FAM81A: variants seen among roughly 807,000 people sequenced by gnomAD.
FAM81A encodes the protein protein FAM81A.
A neutral mutation model predicts 46.7 loss-of-function variants in FAM81A; 19 were observed. The observed-to-expected ratio is 0.41, with a 90% confidence interval of 0.28 to 0.60. FAM81A has a LOEUF of 0.60. Among genes scored for constraint, FAM81A ranks in the 20% least tolerant of loss-of-function variants. The probability of loss-of-function intolerance (pLI) is 0.34; values close to 1 mark genes in which losing one functional copy is unlikely to be tolerated. For missense variants in FAM81A, 377 were observed against 453.5 expected (o/e 0.83, Z 1.53); for synonymous variants, 183 against 152.9 (o/e 1.20, Z -1.45).
chr15:59,469,619 G>A (rs1354568258), intron 3 of FAM81A, among the ~76,000 whole-genome samples: 4 of 151,372 alleles, frequency 2.6e-5, no homozygotes, highest in African/African-American at 9.7e-5. Flanking sequence ...CTTTGCACAT[G>A]AGATGGGTCT....
At chr15:59,458,182 A>T (rs1471424183) in intron 1 of FAM81A, among the ~76,000 whole-genome samples, 1 of 152,212 alleles carries the variant, frequency 6.6e-6, no homozygotes, top group Non-Finnish European at 1.5e-5. Context: ...GCAAAATTCT[A>T]CAGAGAAGTA....
intron 8 of FAM81A, 143 bp from the exon 9 acceptor site, chr15:59,521,111 T>C: frequency 1.1e-6 from 1 of 887,066 alleles, no homozygotes; most frequent in Non-Finnish European, 1.6e-6. Flanking sequence ...GAAACTCACC[T>C]GTTCCCCATC....
At chr15:59,514,084 G>C (rs1195461917) in intron 6 of FAM81A, among the ~76,000 whole-genome samples, 1 of 152,016 alleles carries the variant, frequency 6.6e-6, no homozygotes, top group Non-Finnish European at 1.5e-5. Flanking sequence ...GGGCATGGGG[G>C]GGGCAAGGGA....
At position 59,460,834 on chromosome 15, in the gene FAM81A, C is replaced by A. The variant is rs188660171; in HGVS notation, c.294+628C>A. 6.6e-6 allele frequency among the ~76,000 whole-genome samples: 1 copy of A among 152,160 alleles called. No homozygotes were observed. Among genetic ancestry groups the A allele is most frequent in the Admixed American group, 6.5e-5 (1 of 15,278 alleles). ...TTTAGGGCTTGGGTTTCCCTCACTA[C>A]GCAATGTTCATATCTTTCACATGTA... is the stretch of plus-strand genomic sequence containing the variant. On this transcript the variant is annotated intron_variant, in intron 3 of 8. Transcript: ENST00000288228. This position sits in a 1 kb window ranked among gnomAD's most constrained non-coding sequence, Gnocchi z 4.4.
intron 1 of FAM81A, among the ~76,000 whole-genome samples, chr15:59,442,008 C>G (rs918153464): frequency 6.6e-6 from 1 of 152,208 alleles, no homozygotes; most frequent in East Asian, 1.9e-4. Flanking sequence ...CTGATTACTC[C>G]CGTTATGTAG....
Position 59,417,473 on chromosome 15 carries a change from T to C in FAM81A, c.-78+15115T>C, listed in dbSNP as rs186715166. ...GTAATCCCAGCACTTTGGGAGGCCG[T>C]GGTGGACAGGTCACTTGAGGTCAGG... On this transcript the variant is annotated intron_variant, in intron 2 of 4. Transcript: ENST00000558348. Among the ~76,000 whole-genome samples, 22 of 151,580 alleles carry C rather than the reference T, an allele frequency of 1.5e-4. No individual in the cohort carries two copies. In the East Asian group the frequency reaches 4.3e-3, roughly 29 times the overall value.
chr15:59,480,916 C>A (rs1234569854), intron 3 of FAM81A, among the ~76,000 whole-genome samples: 3 of 152,180 alleles, frequency 2.0e-5, no homozygotes, highest in Admixed American at 2.0e-4. Flanking sequence ...TTTCATATTA[C>A]TTTCTAGTAA....
intron 8 of FAM81A, among the ~76,000 whole-genome samples, chr15:59,520,602 C>A (rs1258033690): frequency 7.1e-6 from 1 of 141,402 alleles, no homozygotes; most frequent in Non-Finnish European, 1.5e-5. Context: ...CTTGCTCTGT[C>A]GCCGAGGCTG....
chr15:59,418,031 C>T (rs1397014030), intron 2 of FAM81A, among the ~76,000 whole-genome samples: 1 of 152,170 alleles, frequency 6.6e-6, no homozygotes, highest in African/African-American at 2.4e-5. Flanking sequence ...GTTTGGTTTT[C>T]TGTCCTTGTG....
chr15:59,497,859 T>TA (rs1332406886), intron 4 of FAM81A, among the ~76,000 whole-genome samples: 4 of 152,162 alleles, frequency 2.6e-5, no homozygotes, highest in Non-Finnish European at 2.9e-5. Context: ...AGCCTTTATT[T>TA]AAAAAAAATT....
chr15:59,485,864 T>C (rs1388413834), intron 3 of FAM81A, among the ~76,000 whole-genome samples: 1 of 151,990 alleles, frequency 6.6e-6, no homozygotes, highest in Non-Finnish European at 1.5e-5. Flanking sequence ...CAGAATCCTA[T>C]CAGATAAATT....
chr15:59,499,004 G>A (rs776104807), intron 4 of FAM81A, among the ~76,000 whole-genome samples: 4 of 152,082 alleles, frequency 2.6e-5, no homozygotes, highest in Non-Finnish European at 4.4e-5. Context: ...TCTTTATTAG[G>A]TTGAGAAAGA....
At chr15:59,446,132 G>T (rs2081352166) in intron 1 of FAM81A, among the ~76,000 whole-genome samples, 1 of 152,210 alleles carries the variant, frequency 6.6e-6, no homozygotes, top group African/African-American at 2.4e-5. Context: ...GTCGTGTTAG[G>T]CTTCGTGGAG....
intron 1 of FAM81A, chr15:59,401,392 C>T (rs548796145): frequency 5.6e-5 from 44 of 791,204 alleles, no homozygotes; most frequent in South Asian, 2.5e-4. Context: ...GTGGGGACGA[C>T]GGGTTCTTCT....
intron 3 of FAM81A, among the ~76,000 whole-genome samples, chr15:59,487,892 C>G (rs764428484): frequency 2.3e-4 from 35 of 152,234 alleles, no homozygotes; most frequent in Non-Finnish European, 4.1e-4. Flanking sequence ...TACTTCCAAA[C>G]TCATTCTATG....
chr15:59,509,952 A>G (rs2082187636), intron 6 of FAM81A, among the ~76,000 whole-genome samples: 1 of 152,176 alleles, frequency 6.6e-6, no homozygotes, highest in Non-Finnish European at 1.5e-5. Context: ...GAGAAGGCCC[A>G]ACCTATGCCT....
At chr15:59,434,140 G>T (rs569858951), upstream of FAM81A, among the ~76,000 whole-genome samples, 3 of 152,122 alleles carry the variant, frequency 2.0e-5, no homozygotes, top group Non-Finnish European at 4.4e-5. Flanking sequence ...CAGGTGTGAG[G>T]CACCGTAACT....
Position 59,458,591 on chromosome 15 carries a change from A to G in FAM81A, c.-36A>G, listed in dbSNP as rs748371165. 1.9e-6 allele frequency: 3 copies of G among 1,613,916 alleles called. No individual in the cohort carries two copies. Among genetic ancestry groups the G allele is most frequent in the Non-Finnish European group, 1.7e-6 (2 of 1,179,836 alleles). ...AGAAAATGGCCCAACGGAGCACTGT[A>G]TTTCCTTCTCGTGTCACCAAGGAAA... On this transcript the variant is annotated 5_prime_UTR_variant, in exon 2 of 9. Coordinates refer to ENST00000288228, the MANE Select transcript of FAM81A (RefSeq NM_152450.3).
intron 5 of FAM81A, among the ~76,000 whole-genome samples, chr15:59,508,414 G>A (rs569556275): frequency 2.1e-3 from 321 of 152,284 alleles, no homozygotes; most frequent in African/African-American, 7.4e-3. Flanking sequence ...GGAACAGGAG[G>A]GAGATAGTCT....
Sources: allele counts gnomAD v4.1 joint callset (sites outside exome capture counted in the v4.1 genomes callset), GRCh38; gene constraint gnomAD v4.1.1; non-coding constraint Gnocchi (gnomAD v3.1); transcripts MANE v1.5; gene names NCBI Gene and HGNC (gene_info 2026-07-23, HGNC 2026-07-21).